The following BCR variants were observed in gnomAD, a reference collection of about 807,000 sequenced individuals.
The protein encoded by BCR is breakpoint cluster region protein.
Under a neutral mutation model 138.6 loss-of-function variants are expected in BCR, and 58 were observed. That is an observed-to-expected ratio of 0.42 (90% CI 0.34 to 0.52). BCR has a LOEUF of 0.52. Ranked by LOEUF, BCR falls within the 20% of genes least tolerant of loss-of-function variation. The pLI, the probability that BCR is intolerant of heterozygous loss-of-function variation, is 0.06. For synonymous variants in BCR, 786 were observed against 730.1 expected, an observed-to-expected ratio of 1.08 and a Z score of -1.23; for missense variants, 1,599 against 1,727.2, an observed-to-expected ratio of 0.93 and a Z score of 1.32.
At chr22:23,239,704 G>A (rs1201090863) in intron 1 of BCR, among the ~76,000 whole-genome samples, 1 of 152,218 alleles carries the variant, frequency 6.6e-6, no homozygotes, top group Non-Finnish European at 1.5e-5. Flanking sequence ...TCTGACGACT[G>A]GAAATATGAG....
At chr22:23,292,779 G>A (rs1257907439) in intron 15 of BCR, 141 bp downstream of exon 15, 24 of 639,698 alleles carry the variant, frequency 3.8e-5, no homozygotes, top group Non-Finnish European at 5.7e-5. Flanking sequence ...TCTCCTGGGG[G>A]GCCAGTAGGT....
chr22:23,279,425 A>T (rs539174400), intron 8 of BCR, among the ~76,000 whole-genome samples: 3 of 152,320 alleles, frequency 2.0e-5, no homozygotes, highest in East Asian at 1.9e-4. Flanking sequence ...TCCTGGTCCC[A>T]CTGCCAAACC....
At chr22:23,182,650 A>G (rs555287483) in intron 1 of BCR, among the ~76,000 whole-genome samples, 2 of 152,336 alleles carry the variant, frequency 1.3e-5, no homozygotes, top group South Asian at 2.1e-4. Context: ...TGCTGTTAGC[A>G]GGGACTGATT....
intron 8 of BCR, among the ~76,000 whole-genome samples, chr22:23,279,045 G>T (rs1177366662): frequency 6.6e-6 from 1 of 152,238 alleles, no homozygotes; most frequent in African/African-American, 2.4e-5. Flanking sequence ...CCAGGAAGTG[G>T]TGGAGCTGGA....
At chr22:23,277,338 A>G (rs2073589406) in intron 8 of BCR, among the ~76,000 whole-genome samples, 1 of 152,134 alleles carries the variant, frequency 6.6e-6, no homozygotes, top group Admixed American at 6.5e-5. Flanking sequence ...CCAGGATGCG[A>G]GTGAGGCCAT....
chr22:23,288,017 C>A, intron 11 of BCR, 80 bp from the exon 12 acceptor site: 1 of 1,368,848 alleles, frequency 7.3e-7, no homozygotes, highest in Non-Finnish European at 1.0e-6. Flanking sequence ...GAGTTGTGTG[C>A]TCTAAGGTGC....
rs201747848 is a variant in BCR, at chr22:23,283,970, C to A, written c.2116-7C>A. On this transcript the variant is annotated splice_polypyrimidine_tract_variant and splice_region_variant and intron_variant, in intron 8 of 22. Coordinates refer to ENST00000305877, the MANE Select transcript of BCR (RefSeq NM_004327.4). Reference sequence around the variant, plus strand: ...GGCCCTGACCCCAGCCTTCCCTGTGCCTGCAGCACCGGCAGCTGCTGAAGG... The same window carrying A: ...GGCCCTGACCCCAGCCTTCCCTGTGACTGCAGCACCGGCAGCTGCTGAAGG... 4,934 of 1,589,072 alleles carry A rather than the reference C, an allele frequency of 3.1e-3. 14 individuals are homozygous for A. Among genetic ancestry groups the A allele is most frequent in the Non-Finnish European group, 3.8e-3 (4,416 of 1,167,434 alleles).
intron 4 of BCR, among the ~76,000 whole-genome samples, chr22:23,267,146 C>T (rs536975632): frequency 3.3e-4 from 50 of 152,244 alleles, no homozygotes; most frequent in South Asian, 2.5e-3. Flanking sequence ...GAATTGTTTA[C>T]CACTGCGGTG....
chr22:23,270,469 T>A (rs2073497471), intron 5 of BCR, among the ~76,000 whole-genome samples: 4 of 152,194 alleles, frequency 2.6e-5, no homozygotes, highest in African/African-American at 9.6e-5. Flanking sequence ...CAGGCTCTTG[T>A]GAGCCCAGCA....
chr22:23,310,615 G>A (rs2073996840), intron 18 of BCR, among the ~76,000 whole-genome samples, 182 bp downstream of exon 18: 2 of 152,140 alleles, frequency 1.3e-5, no homozygotes, highest in African/African-American at 4.8e-5. Flanking sequence ...GCTCAGGAAT[G>A]TCCTTGCCAC....
intron 1 of BCR, among the ~76,000 whole-genome samples, chr22:23,248,114 C>T (rs1159621753): frequency 4.6e-5 from 7 of 152,082 alleles, no homozygotes; most frequent in Admixed American, 4.6e-4. Flanking sequence ...GAGACTGAGG[C>T]TGGTGGATTA....
chr22:23,235,552 G>T (rs1180995761), intron 1 of BCR, among the ~76,000 whole-genome samples: 1 of 107,866 alleles, frequency 9.3e-6, no homozygotes, highest in Non-Finnish European at 2.4e-5. Context: ...GGCATAATGT[G>T]GGGACTGCAG....
At chr22:23,288,956 C>T (rs955441991) in intron 12 of BCR, among the ~76,000 whole-genome samples, 2 of 152,204 alleles carry the variant, frequency 1.3e-5, no homozygotes, top group Admixed American at 1.3e-4. Flanking sequence ...GCAGAGCCAC[C>T]TCTCGGCCCC....
chr22:23,271,618 G>A (rs1452742820), intron 6 of BCR, 26 bp downstream of exon 6: 4 of 1,609,388 alleles, frequency 2.5e-6, no homozygotes, highest in South Asian at 1.1e-5. Flanking sequence ...TGAGGTCTCT[G>A]TGTGCCCTCG....
chr22:23,239,967 C>A (rs2073071036), intron 1 of BCR, among the ~76,000 whole-genome samples: 1 of 152,122 alleles, frequency 6.6e-6, no homozygotes, highest in Non-Finnish European at 1.5e-5. Flanking sequence ...CTACACTTGA[C>A]CACCATACCT....
chr22:23,239,732 G>C (rs1276446635), intron 1 of BCR, among the ~76,000 whole-genome samples: 1 of 152,220 alleles, frequency 6.6e-6, no homozygotes, highest in African/African-American at 2.4e-5. Context: ...TGTTGGCTGG[G>C]TTGGATCCTT....
At chr22:23,273,599 T>C (rs1389194619) in intron 7 of BCR, 35 bp from the exon 8 acceptor site, 3 of 1,611,722 alleles carry the variant, frequency 1.9e-6, no homozygotes, top group Non-Finnish European at 2.5e-6. Context: ...CCAGTGCTCC[T>C]CTGTGTCTAA....
chr22:23,237,266 C>T (rs1191551774), intron 1 of BCR, among the ~76,000 whole-genome samples: 3 of 152,174 alleles, frequency 2.0e-5, no homozygotes, highest in East Asian at 3.9e-4. Flanking sequence ...AGTTGGCTCC[C>T]GGAGCGGGTG....
chr22:23,195,784 A>G (rs1318569657), intron 1 of BCR, among the ~76,000 whole-genome samples: 3 of 152,188 alleles, frequency 2.0e-5, no homozygotes, highest in African/African-American at 7.2e-5. Flanking sequence ...GCTACTCGGG[A>G]GGCTGAGGTA....
Sources: gnomAD v4.1 joint callset for allele counts (sites outside exome capture counted in the v4.1 genomes callset) on GRCh38, gnomAD v4.1.1 for gene constraint, MANE v1.5 for transcripts, NCBI Gene and HGNC (gene_info 2026-07-23, HGNC 2026-07-21) for gene names.